The following METRNL variants were observed in gnomAD, a reference collection of about 807,000 sequenced individuals.
The protein encoded by METRNL is meteorin-like protein.
A neutral mutation model predicts 17.4 loss-of-function variants in METRNL; 9 were observed. That is an observed-to-expected ratio of 0.52 (90% CI 0.31 to 0.90). The LOEUF (loss-of-function observed/expected upper bound fraction) is 0.90, where lower values mean the gene tolerates loss of function less well. METRNL is among the 40% of genes least tolerant of loss of function. The pLI, the probability that METRNL is intolerant of heterozygous loss-of-function variation, is 0.05. For missense variants in METRNL, 408 were observed against 430.7 expected (o/e 0.95, Z 0.47); for synonymous variants, 215 against 199.3 (o/e 1.08, Z -0.66).
chr17:83,085,561 G>A (rs113458142), intron 2 of METRNL, among the ~76,000 whole-genome samples: 11 of 152,272 alleles, frequency 7.2e-5, no homozygotes, highest in African/African-American at 2.4e-4. Flanking sequence ...GTAGGGGGGT[G>A]TGGGATGTCT....
chr17:83,094,159 T>TC, intron 3 of METRNL, 97 bp from the exon 4 acceptor site: 5 of 1,060,194 alleles, frequency 4.7e-6, no homozygotes, highest in Non-Finnish European at 6.8e-6. Context: ...AGCTGCCCGT[T>TC]CCAGTGCCCA....
intron 1 of METRNL, chr17:83,082,221 C>T: frequency 1.0e-6 from 1 of 985,492 alleles, no homozygotes; most frequent in Non-Finnish European, 1.2e-6. Context: ...CCTGGTTCGT[C>T]TCTCCTGCAA....
At chr17:83,094,222 C>T (rs1468103157) in intron 3 of METRNL, 34 bp from the exon 4 acceptor site, 7 of 1,517,072 alleles carry the variant, frequency 4.6e-6, no homozygotes, top group East Asian at 2.4e-5. Flanking sequence ...CTTGCCTTTG[C>T]TCACTCCCTG....
At chr17:83,081,011 G>A (rs1274128938) in intron 1 of METRNL, among the ~76,000 whole-genome samples, 1 of 151,714 alleles carries the variant, frequency 6.6e-6, no homozygotes, top group African/African-American at 2.4e-5. Flanking sequence ...CCTCCGTTCC[G>A]GGTCCCCGCG....
chr17:83,090,027 C>T (rs1162990861), intron 2 of METRNL, among the ~76,000 whole-genome samples: 1 of 152,018 alleles, frequency 6.6e-6, no homozygotes, highest in Non-Finnish European at 1.5e-5. Context: ...GGGGCCGTGA[C>T]TCACAGAGGG....
At chr17:83,093,348 C>T (rs1283653717) in intron 3 of METRNL, 122 bp downstream of exon 3, 2 of 792,182 alleles carry the variant, frequency 2.5e-6, no homozygotes, top group South Asian at 1.6e-5. Flanking sequence ...GTGGACCCTC[C>T]TGGAGGGGCA....
chr17:83,092,914 AGGTG>A (rs2038157139), intron 2 of METRNL, among the ~76,000 whole-genome samples: 1 of 152,102 alleles, frequency 6.6e-6, no homozygotes, highest in South Asian at 2.1e-4. Flanking sequence ...CCTTTGGTCC[AGGTG>A]GGGCCGAGGG....
intron 2 of METRNL, among the ~76,000 whole-genome samples, chr17:83,092,155 G>A (rs1438019011): frequency 6.6e-6 from 1 of 152,234 alleles, no homozygotes; most frequent in Non-Finnish European, 1.5e-5. Flanking sequence ...TTCAGAGGGG[G>A]TTCTGTGAGC....
chr17:83,083,656 G>T (rs2038015425), intron 1 of METRNL, among the ~76,000 whole-genome samples: 1 of 152,148 alleles, frequency 6.6e-6, no homozygotes, highest in African/African-American at 2.4e-5. Flanking sequence ...GGTGAGGAGG[G>T]GTGCACCCTC....
At chr17:83,088,634 A>G (rs2038080007) in intron 2 of METRNL, among the ~76,000 whole-genome samples, 1 of 152,014 alleles carries the variant, frequency 6.6e-6, no homozygotes, top group South Asian at 2.1e-4. Context: ...CTTGATGCTG[A>G]TCATGAGCAC....
At chr17:83,084,679 G>T (rs367707773) in intron 1 of METRNL, 1 of 539,218 alleles carries the variant, frequency 1.9e-6, no homozygotes, top group African/African-American at 1.9e-5. Context: ...CTGCACTCCC[G>T]GGAGCTCGGC....
rs111711649 is a variant in METRNL at position 83,089,952 on chromosome 17, C to T, written c.557-3215C>T. 1.2e-4 allele frequency among the ~76,000 whole-genome samples: 18 copies of T among 152,092 alleles called. No homozygotes were observed. In the South Asian group the frequency reaches 1.7e-3, roughly 14 times the overall value. Reference sequence around the variant, plus strand: ...CTGCCGTCAGCCGGGTGAGCCAGGGCGGGGTACCCAGGGCACGTGAGGGCA... The same window carrying T: ...CTGCCGTCAGCCGGGTGAGCCAGGGTGGGGTACCCAGGGCACGTGAGGGCA... On this transcript the variant is annotated intron_variant, in intron 2 of 3. Coordinates refer to ENST00000320095, the MANE Select transcript of METRNL (RefSeq NM_001004431.3).
intron 1 of METRNL, among the ~76,000 whole-genome samples, chr17:83,082,650 C>T (rs977965508): frequency 6.6e-6 from 1 of 152,224 alleles, no homozygotes; most frequent in Non-Finnish European, 1.5e-5. Flanking sequence ...AGATAGGTCA[C>T]ATTTTTGCAA....
At position 83,094,370 on chromosome 17, in the gene METRNL, C is replaced by T. The variant is rs2038176675; in HGVS notation, c.731C>T (p.Pro244Leu). Residue 244 changes from proline to leucine, a missense_variant, in exon 4 of 4, where the codon CCC (proline) becomes CTC (leucine). By Grantham distance (98) the Pro-to-Leu change is moderately conservative. Coordinates refer to ENST00000320095, the MANE Select transcript of METRNL (RefSeq NM_001004431.3). ...RQKSRVFEPV[P>L]EGDGHWQGRV... ...AAAAGCAGGGTCTTCGAGCCGGTGC[C>T]CGAGGGTGACGGCCACTGGCAGGGG... The T allele has an allele frequency of 1.9e-6, 3 of 1,610,788 alleles. No homozygotes were observed. The highest frequency in any genetic ancestry group is 3.3e-5 in the Admixed American group (2 of 59,830).
chr17:83,083,444 C>G (rs1037082484), intron 1 of METRNL, among the ~76,000 whole-genome samples: 35 of 152,264 alleles, frequency 2.3e-4, no homozygotes, highest in African/African-American at 8.2e-4. Context: ...AAGAAGAGAG[C>G]TGACTGTAGC....
chr17:83,086,496 TG>T, intron 2 of METRNL, among the ~76,000 whole-genome samples: 1 of 152,124 alleles, frequency 6.6e-6, no homozygotes, highest in Non-Finnish European at 1.5e-5. Flanking sequence ...GTGGGAGACC[TG>T]GGGGAGGGGG....
At chr17:83,084,596 T>G (rs1423249732) in intron 1 of METRNL, 1 of 318,972 alleles carries the variant, frequency 3.1e-6, no homozygotes, top group Non-Finnish European at 5.7e-6. Flanking sequence ...GATTGGTGTT[T>G]GACGCTACGG....
Position 83,079,887 on chromosome 17 carries a change from G to T in METRNL, c.72G>T (p.Pro24=). 1 of 979,780 alleles carries T rather than the reference G, an allele frequency of 1.0e-6. No individual in the cohort carries two copies. Among genetic ancestry groups the T allele is most frequent in the African/African-American group, 1.8e-5 (1 of 56,398 alleles). 60.7% of individuals were successfully genotyped at this position (979,780 alleles called of 1,614,324 possible). The change falls in exon 1 of 4, where the codon CCG becomes CCT. Residue 24 remains proline, a synonymous_variant. Transcript: ENST00000320095. ...QPWPRPPAPG[P]PPPPLPLLLL... ...GGCCGCGACCCCCCGCCCCGGGCCCGCCCCCGCCGCCGCTCCCGCTGCTGC... is the reference window on the plus strand; with the variant it reads ...GGCCGCGACCCCCCGCCCCGGGCCCTCCCCCGCCGCCGCTCCCGCTGCTGC...
chr17:83,089,607 C>T (rs556427002), intron 2 of METRNL, among the ~76,000 whole-genome samples: 47 of 152,102 alleles, frequency 3.1e-4, no homozygotes, highest in African/African-American at 7.2e-4. Flanking sequence ...CCTCCCCCTC[C>T]GAGGAGGATG....
Sources: gnomAD v4.1 joint callset for allele counts (sites outside exome capture counted in the v4.1 genomes callset) on GRCh38, gnomAD v4.1.1 for gene constraint, MANE v1.5 for transcripts, NCBI Gene and HGNC (gene_info 2026-07-23, HGNC 2026-07-21) for gene names.